Variants in NCOA2 observed in about 807,000 individuals in gnomAD.
NCOA2 encodes the protein class E basic helix-loop-helix protein 75.
Under a neutral mutation model 145.1 loss-of-function variants are expected in NCOA2, and 21 were observed. The ratio of observed to expected loss-of-function variants is 0.14; its 90% CI spans 0.10 to 0.21. The LOEUF is 0.21. Among genes scored for constraint, NCOA2 ranks in the 10% least tolerant of loss-of-function variants. The pLI, the probability that NCOA2 is intolerant of heterozygous loss-of-function variation, is 1.00. For missense variants in NCOA2, 1,472 were observed against 1,837.6 expected, an observed-to-expected ratio of 0.80 and a Z score of 3.64; for synonymous variants, 619 against 637.5, an observed-to-expected ratio of 0.97 and a Z score of 0.44.
intron 1 of NCOA2, among the ~76,000 whole-genome samples, chr8:70,300,035 C>G (rs188353634): frequency 8.1e-4 from 124 of 152,264 alleles, no homozygotes; most frequent in African/African-American, 2.7e-3. Context: ...AAATACAACA[C>G]ACACTGTATT....
intron 22 of NCOA2, among the ~76,000 whole-genome samples, chr8:70,119,717 T>C (rs1563475275): frequency 1.3e-5 from 2 of 152,264 alleles, no homozygotes; most frequent in Non-Finnish European, 1.5e-5. Flanking sequence ...TTATTTTTTG[T>C]GTTTTTAATA....
intron 2 of NCOA2, among the ~76,000 whole-genome samples, chr8:70,217,294 T>C (rs933671089): frequency 9.2e-5 from 14 of 152,024 alleles, no homozygotes; most frequent in Non-Finnish European, 1.8e-4. Flanking sequence ...TAGCCCCGAG[T>C]TCCTGCACAA....
At chr8:70,180,016 A>C (rs565996361) in intron 4 of NCOA2, among the ~76,000 whole-genome samples, 7 of 152,282 alleles carry the variant, frequency 4.6e-5, no homozygotes, top group African/African-American at 1.4e-4. Context: ...CCTGGGCTCA[A>C]GCAATCTTCT....
In NCOA2 at chr8:70,301,203, A is replaced by C. The variant is rs1045020787; in HGVS notation, c.-76-4403T>G. Among the ~76,000 whole-genome samples the C allele has an allele frequency of 3.9e-5, 6 of 152,324 alleles. No homozygotes were observed. The East Asian group carries it at 1.2e-3, about 29-fold the overall frequency. On this transcript the variant is annotated intron_variant, in intron 1 of 22. Coordinates refer to ENST00000452400, the MANE Select transcript of NCOA2 (RefSeq NM_006540.4). ...AGGTTTTTGGTATAGTACTAACAAG[A>C]CCAGCAAAAGGTATTCCCTATATCT...
chr8:70,386,899 C>CT (rs1471137305), intron 1 of NCOA2, among the ~76,000 whole-genome samples: 1 of 151,800 alleles, frequency 6.6e-6, no homozygotes, highest in Admixed American at 6.6e-5. Context: ...ATTAAACTTC[C>CT]TTTTTTAATA....
intron 4 of NCOA2, among the ~76,000 whole-genome samples, chr8:70,196,454 G>A (rs1817323891): frequency 6.6e-6 from 1 of 152,146 alleles, no homozygotes. Flanking sequence ...GGCGATGAAA[G>A]CCTGGTTAGA....
At chr8:70,143,375 G>T (rs34726915) in intron 13 of NCOA2, among the ~76,000 whole-genome samples, 16,149 of 152,132 alleles carry the variant, frequency 0.11, 1,306 homozygotes, top group East Asian at 0.41. Context: ...ATTCCTACAA[G>T]AACTCATATC....
intron 1 of NCOA2, among the ~76,000 whole-genome samples, chr8:70,383,109 A>T (rs921475299): frequency 7.2e-5 from 11 of 152,236 alleles, no homozygotes; most frequent in African/African-American, 2.7e-4. Context: ...CGCCCAGAGC[A>T]CACCTTTCCT....
At chr8:70,192,036 C>T (rs963704522) in intron 4 of NCOA2, among the ~76,000 whole-genome samples, 5 of 151,674 alleles carry the variant, frequency 3.3e-5, no homozygotes, top group East Asian at 1.9e-4. Flanking sequence ...AGTGAGAATC[C>T]GTCTCAAAAA....
chr8:70,141,910 T>C (rs1031497017), intron 13 of NCOA2, among the ~76,000 whole-genome samples: 21 of 152,212 alleles, frequency 1.4e-4, no homozygotes, highest in African/African-American at 3.4e-4. Flanking sequence ...CTCTAAGCAA[T>C]GGAGAACTTA....
At chr8:70,269,082 T>C (rs1202912023) in intron 2 of NCOA2, among the ~76,000 whole-genome samples, 1 of 152,152 alleles carries the variant, frequency 6.6e-6, no homozygotes, top group Non-Finnish European at 1.5e-5. Flanking sequence ...CTATGTGATA[T>C]ATTTACTTCC....
intron 19 of NCOA2, chr8:70,126,573 A>G (rs1185979579): frequency 4.0e-6 from 2 of 500,004 alleles, no homozygotes; most frequent in Middle Eastern, 5.0e-4. Flanking sequence ...GTCATTCTTA[A>G]AGTAAGACCT....
chr8:70,305,847 G>C (rs1304508275), intron 1 of NCOA2, among the ~76,000 whole-genome samples: 1 of 152,192 alleles, frequency 6.6e-6, no homozygotes, highest in Non-Finnish European at 1.5e-5. Flanking sequence ...ACCAGACTAA[G>C]AGAAAAGCTT....
intron 16 of NCOA2, among the ~76,000 whole-genome samples, chr8:70,131,206 AG>A (rs1809057825): frequency 6.6e-6 from 1 of 152,030 alleles, no homozygotes; most frequent in Non-Finnish European, 1.5e-5. Context: ...TGGTAAAGAC[AG>A]GGTTTCATTA....
intron 1 of NCOA2, among the ~76,000 whole-genome samples, chr8:70,383,497 T>TG (rs1195909617): frequency 6.6e-6 from 1 of 152,176 alleles, no homozygotes; most frequent in Middle Eastern, 3.4e-3. Context: ...CATCCTAGTT[T>TG]TTTTTGTTTT....
the NCOA2 span, among the ~76,000 whole-genome samples, chr8:70,446,833 G>A: frequency 0.054 from 8,237 of 152,134 alleles, 301 homozygotes; most frequent in South Asian, 0.11. Context: ...CACAACCTTT[G>A]TCCTTCTGGA....
Position 70,155,832 on chromosome 8 carries a change from A to G in NCOA2, c.2394+139T>C, listed in dbSNP as rs1812217407. On this transcript the variant is annotated intron_variant, in intron 11 of 22. Coordinates refer to ENST00000452400, the MANE Select transcript of NCOA2 (RefSeq NM_006540.4). ...GAGAGTATTTGAAACACACAGCTTCAGCGAGATTTTCAAGATAAGAACAAC... is the reference window on the plus strand; with the variant it reads ...GAGAGTATTTGAAACACACAGCTTCGGCGAGATTTTCAAGATAAGAACAAC... 1.5e-5 allele frequency: 11 copies of G among 710,630 alleles called. 1 individual carries two copies. The South Asian group carries it at 2.3e-4, about 15-fold the overall frequency. 44.0% of individuals were successfully genotyped at this position (710,630 alleles called of 1,614,324 possible).
At chr8:70,278,449 C>A (rs1017808352) in intron 2 of NCOA2, among the ~76,000 whole-genome samples, 1 of 152,094 alleles carries the variant, frequency 6.6e-6, no homozygotes, top group Non-Finnish European at 1.5e-5. Context: ...CATAGGGAGC[C>A]TGGATATCCA....
the NCOA2 span, among the ~76,000 whole-genome samples, chr8:70,418,469 C>T: frequency 1.3e-5 from 2 of 152,186 alleles, no homozygotes; most frequent in African/African-American, 4.8e-5. Context: ...CTTCCAGAGA[C>T]TCCTGTCATC....
Sources: allele counts gnomAD v4.1 joint callset (sites outside exome capture counted in the v4.1 genomes callset), GRCh38; gene constraint gnomAD v4.1.1; transcripts MANE v1.5; gene names NCBI Gene and HGNC (gene_info 2026-07-23, HGNC 2026-07-21).